ELP1: variants seen among roughly 807,000 people sequenced by gnomAD.
The protein encoded by ELP1 is elongator complex protein 1.
ELP1 carries 131 observed loss-of-function variants against 183.2 expected under a neutral mutation model. The ratio of observed to expected loss-of-function variants is 0.72; its 90% CI spans 0.62 to 0.83. The LOEUF is 0.83. Among genes scored for constraint, ELP1 ranks in the 40% least tolerant of loss-of-function variants. The pLI is 0.00. For missense variants in ELP1, 1,550 were observed against 1,594.9 expected, an observed-to-expected ratio of 0.97 and a Z score of 0.48; for synonymous variants, 555 against 569.0, an observed-to-expected ratio of 0.98 and a Z score of 0.35.
intron 14 of ELP1, 26 bp from the exon 15 acceptor site, chr9:108,903,695 G>A: frequency 1.3e-6 from 2 of 1,512,296 alleles, no homozygotes; most frequent in Non-Finnish European, 1.8e-6. Context: ...AGAAGGGAGT[G>A]TAAACAGACC....
intron 14 of ELP1, among the ~76,000 whole-genome samples, chr9:108,905,864 T>C (rs1231218598): frequency 1.1e-5 from 1 of 91,452 alleles, no homozygotes; most frequent in African/African-American, 5.0e-5. Flanking sequence ...AGAAAAGGTA[T>C]GTATACACAC....
intron 35 of ELP1, chr9:108,875,494 T>G: frequency 3.9e-6 from 1 of 258,840 alleles, no homozygotes. Context: ...TGCAGACCCT[T>G]GGTGGCACAC....
intron 14 of ELP1, among the ~76,000 whole-genome samples, chr9:108,905,208 T>C (rs1259098729): frequency 6.6e-6 from 1 of 152,230 alleles, no homozygotes; most frequent in Admixed American, 6.5e-5. Flanking sequence ...TATAAATTTA[T>C]GTAATGTATA....
chr9:108,911,006 A>G lies in ELP1; in HGVS notation c.1360+4T>C. The G allele has an allele frequency of 1.9e-6, 3 of 1,613,598 alleles. No individual in the cohort carries two copies. Among genetic ancestry groups the G allele is most frequent in the Non-Finnish European group, 2.5e-6 (3 of 1,179,492 alleles). On this transcript the variant is annotated splice_donor_region_variant and intron_variant, in intron 12 of 36. Transcript: ENST00000374647. ...AACATCTTGGCAAAAGTTTTATAAC[A>G]TACCACATTTATAAACAGAAATCTG...
At chr9:108,913,771 C>T (rs552888220) in intron 10 of ELP1, among the ~76,000 whole-genome samples, 7 of 152,220 alleles carry the variant, frequency 4.6e-5, no homozygotes, top group Non-Finnish European at 8.8e-5. Flanking sequence ...CTCAGCCTCC[C>T]GAGTAGCTAG....
intron 29 of ELP1, 57 bp from the exon 30 acceptor site, chr9:108,882,244 C>A: frequency 6.7e-7 from 1 of 1,492,704 alleles, no homozygotes; most frequent in Non-Finnish European, 9.3e-7. Context: ...GATGTCATCA[C>A]AGCCAACTAC....
intron 4 of ELP1, 127 bp downstream of exon 4, chr9:108,927,245 T>A (rs1829850100): frequency 2.7e-6 from 2 of 753,596 alleles, no homozygotes; most frequent in Admixed American, 1.9e-5. Flanking sequence ...TTATACTGGT[T>A]CATAATTGGT....
intron 10 of ELP1, among the ~76,000 whole-genome samples, chr9:108,913,375 A>C (rs1489723334): frequency 6.6e-6 from 1 of 152,220 alleles, no homozygotes. Flanking sequence ...AGCAAGCAAG[A>C]CTTAATCATG....
At chr9:108,907,953 C>T (rs774032054) in intron 13 of ELP1, among the ~76,000 whole-genome samples, 17 of 152,174 alleles carry the variant, frequency 1.1e-4, no homozygotes, top group Non-Finnish European at 1.9e-4. Flanking sequence ...TGCATTAGGT[C>T]ATCCATGTTA....
intron 31 of ELP1, 148 bp from the exon 32 acceptor site, chr9:108,880,313 C>G: frequency 1.5e-6 from 1 of 665,410 alleles, no homozygotes; most frequent in East Asian, 2.8e-5. Flanking sequence ...CCTTAATAAG[C>G]ATTAACAAAT....
chr9:108,920,308 G>C (rs1174638502), intron 6 of ELP1, among the ~76,000 whole-genome samples: 2 of 144,386 alleles, frequency 1.4e-5, no homozygotes, highest in Non-Finnish European at 3.0e-5. Flanking sequence ...TTGAGACGGA[G>C]TCTTGCTTTA....
At chr9:108,896,386 T>A in intron 25 of ELP1, 110 bp downstream of exon 25, 1 of 969,298 alleles carries the variant, frequency 1.0e-6, no homozygotes, top group Non-Finnish European at 1.6e-6. Flanking sequence ...TCTCCAGCCC[T>A]GCACTCACAG....
intron 27 of ELP1, 59 bp from the exon 28 acceptor site, chr9:108,891,463 T>G: frequency 2.7e-6 from 4 of 1,507,396 alleles, no homozygotes; most frequent in Non-Finnish European, 3.7e-6. Flanking sequence ...TCTCTAAAGC[T>G]CCAGTGTAGC....
chr9:108,896,860 T>C, intron 24 of ELP1, 93 bp downstream of exon 24: 1 of 1,228,290 alleles, frequency 8.1e-7, no homozygotes, highest in South Asian at 1.2e-5. Context: ...ATGTTAAATC[T>C]GTGGTGTGGC....
At chr9:108,887,642 C>A (rs1255823898) in intron 29 of ELP1, among the ~76,000 whole-genome samples, 3 of 152,140 alleles carry the variant, frequency 2.0e-5, no homozygotes, top group Non-Finnish European at 4.4e-5. Context: ...TTAATTGCAG[C>A]CTTGTAAAGG....
At chr9:108,877,191 C>A (rs2118931536) in intron 35 of ELP1, among the ~76,000 whole-genome samples, 1 of 152,308 alleles carries the variant, frequency 6.6e-6, no homozygotes, top group East Asian at 1.9e-4. Flanking sequence ...CACTTCCAGG[C>A]TTCTAAATTC....
intron 2 of ELP1, 113 bp downstream of exon 2, chr9:108,930,884 G>A: frequency 1.0e-6 from 1 of 978,964 alleles, no homozygotes; most frequent in Non-Finnish European, 1.6e-6. Context: ...ATGTTTATTT[G>A]GGAGGATATA....
intron 18 of ELP1, 84 bp from the exon 19 acceptor site, chr9:108,900,459 T>A: frequency 1.1e-6 from 1 of 947,200 alleles, no homozygotes; most frequent in Non-Finnish European, 1.7e-6. Context: ...ACACATTATG[T>A]GAAATAGAAG....
Position 108,896,905 on chromosome 9 carries a change from T to A in ELP1, c.2587+48A>T, listed in dbSNP as rs147989885. The A allele has an allele frequency of 5.1e-3, 7,537 of 1,471,138 alleles. 34 individuals carry two copies. The highest frequency in any genetic ancestry group is 6.8e-3 in the Non-Finnish European group (7,110 of 1,049,640). 91.1% of individuals were successfully genotyped at this position (1,471,138 alleles called of 1,614,324 possible). ...GTGATTGTCACCTGCAGAAGACTAGTAGCAGTCACGGCCACCTTAAGCACT... is the reference window on the plus strand; with the variant it reads ...GTGATTGTCACCTGCAGAAGACTAGAAGCAGTCACGGCCACCTTAAGCACT... On this transcript the variant is annotated intron_variant, in intron 24 of 36. Coordinates refer to ENST00000374647, the MANE Select transcript of ELP1 (RefSeq NM_003640.5).
Sources: allele counts gnomAD v4.1 joint callset (sites outside exome capture counted in the v4.1 genomes callset), GRCh38; gene constraint gnomAD v4.1.1; transcripts MANE v1.5; gene names NCBI Gene and HGNC (gene_info 2026-07-23, HGNC 2026-07-21).